Variants in AOPEP observed in about 807,000 individuals in gnomAD.
The protein encoded by AOPEP is aminopeptidase O (putative), also known as aminopeptidase O.
A neutral mutation model predicts 98.1 loss-of-function variants in AOPEP; 77 were observed. That is an observed-to-expected ratio of 0.78 (90% CI 0.65 to 0.95). The LOEUF is 0.95. Among genes scored for constraint, AOPEP ranks in the 40% least tolerant of loss-of-function variants. The probability of loss-of-function intolerance (pLI) is 0.00; values close to 1 mark genes in which losing one functional copy is unlikely to be tolerated. For synonymous variants in AOPEP, 346 were observed against 365.3 expected (o/e 0.95, Z 0.60); for missense variants, 1,024 against 1,024.7 (o/e 1.00, Z 0.01).
intron 13 of AOPEP, among the ~76,000 whole-genome samples, chr9:95,034,688 G>T (rs772283278): frequency 4.6e-5 from 7 of 152,186 alleles, no homozygotes; most frequent in Non-Finnish European, 7.3e-5. Flanking sequence ...ATACCCTTGT[G>T]TTTTTAATAG....
chr9:94,802,763 G>C (rs1848462109), intron 5 of AOPEP, among the ~76,000 whole-genome samples: 1 of 152,110 alleles, frequency 6.6e-6, no homozygotes, highest in African/African-American at 2.4e-5. Flanking sequence ...CTTCCTTTTA[G>C]ACTGTGGAAG....
intron 13 of AOPEP, among the ~76,000 whole-genome samples, chr9:95,017,465 G>C (rs528314628): frequency 6.6e-6 from 1 of 152,146 alleles, no homozygotes; most frequent in Non-Finnish European, 1.5e-5. Context: ...TAAAAATACA[G>C]TATTATATTC....
At chr9:94,907,522 C>T (rs4743973) in intron 5 of AOPEP, among the ~76,000 whole-genome samples, 144,706 of 152,042 alleles carry the variant, frequency 0.95, 68,874 homozygotes, top group Middle Eastern at 0.99. Flanking sequence ...TTGTTTTCCG[C>T]GGGGAAAGGT....
rs547345099 is a variant in AOPEP, at chr9:94,895,634, G to A, written c.1365-28352G>A. Among the ~76,000 whole-genome samples, 10 of 151,962 alleles carry A rather than the reference G, an allele frequency of 6.6e-5. No homozygotes were observed. The South Asian group carries it at 1.0e-3, about 16-fold the overall frequency. ...GACAGAGTCTCCCTCTGTCACCCAG[G>A]TTGGAGTGCAGTGGCATGATCTCAG... On this transcript the variant is annotated intron_variant, in intron 5 of 16. Coordinates refer to ENST00000375315, the MANE Select transcript of AOPEP (RefSeq NM_001193329.3).
intron 16 of AOPEP, among the ~76,000 whole-genome samples, chr9:95,083,249 C>T (rs183024878): frequency 7.2e-5 from 11 of 152,224 alleles, no homozygotes; most frequent in South Asian, 2.1e-4. Flanking sequence ...TCCAGGCACA[C>T]GCAGCACACA....
intron 5 of AOPEP, among the ~76,000 whole-genome samples, chr9:94,825,086 G>A (rs1854195922): frequency 1.3e-5 from 2 of 152,158 alleles, no homozygotes; most frequent in Admixed American, 6.5e-5. Flanking sequence ...AGAAGAGATG[G>A]CCAGGGGAGC....
At chr9:95,130,033 C>A in the AOPEP span, among the ~76,000 whole-genome samples, 1 of 152,138 alleles carries the variant, frequency 6.6e-6, no homozygotes, top group Non-Finnish European at 1.5e-5. Context: ...ATGGAATCAA[C>A]ACACAATAAC....
At chr9:94,735,178 T>C (rs1305839511) in intron 1 of AOPEP, among the ~76,000 whole-genome samples, 2 of 152,248 alleles carry the variant, frequency 1.3e-5, no homozygotes, top group Non-Finnish European at 2.9e-5. Context: ...ATATCCTGTG[T>C]AAAATGTAGA....
the AOPEP span, among the ~76,000 whole-genome samples, chr9:95,129,813 G>A: frequency 6.6e-6 from 1 of 152,254 alleles, no homozygotes; most frequent in Non-Finnish European, 1.5e-5. Flanking sequence ...TGCCCAGGAT[G>A]ACTAGGGAGC....
At chr9:95,010,589 CTG>C (rs2062425188) in intron 13 of AOPEP, among the ~76,000 whole-genome samples, 1 of 152,214 alleles carries the variant, frequency 6.6e-6, no homozygotes, top group South Asian at 2.1e-4. Flanking sequence ...TGCCATTGCT[CTG>C]TGAGAATTCA....
At chr9:95,137,918 G>A in the AOPEP span, among the ~76,000 whole-genome samples, 1 of 152,246 alleles carries the variant, frequency 6.6e-6, no homozygotes, top group Non-Finnish European at 1.5e-5. Context: ...GAGGAGTGGA[G>A]GTGAAGCCAG....
At chr9:94,898,218 T>C (rs570172682) in intron 5 of AOPEP, among the ~76,000 whole-genome samples, 2 of 152,204 alleles carry the variant, frequency 1.3e-5, no homozygotes, top group African/African-American at 2.4e-5. Context: ...TAAGCAAGAA[T>C]GTTTACTTCA....
At position 94,792,888 on chromosome 9, in the gene AOPEP, G is replaced by T; in HGVS notation, c.1088G>T (p.Arg363Ile). 1 of 1,612,524 alleles carries T rather than the reference G, an allele frequency of 6.2e-7. No individual in the cohort carries two copies. The change falls in exon 4 of 17, where the codon AGA (arginine) becomes ATA (isoleucine). Residue 363 changes from arginine to isoleucine, a missense_variant. Arg to Ile is a moderately conservative substitution (Grantham distance 97, BLOSUM62 -3). This residue lies in a region of AOPEP where 18 missense variants were observed against 39.1 expected (regional missense o/e 0.46). Coordinates refer to ENST00000375315, the MANE Select transcript of AOPEP (RefSeq NM_001193329.3). ...TWSSNDLATE[R>I]PFSPSEANFR... ...TCATCAAATGATTTGGCAACAGAGA[G>T]ACCCTTCTCACCTTCTGAGGCCAAC...
chr9:94,935,108 C>G (rs956378063), intron 7 of AOPEP: 4 of 152,328 alleles, frequency 2.6e-5, no homozygotes, highest in South Asian at 2.1e-4. Flanking sequence ...TGGTTTAACA[C>G]CATCCCCCCT....
intron 5 of AOPEP, among the ~76,000 whole-genome samples, chr9:94,870,776 A>G (rs1424211287): frequency 6.6e-6 from 1 of 152,220 alleles, no homozygotes; most frequent in African/African-American, 2.4e-5. Flanking sequence ...GTTAGTGGTT[A>G]TGTGGTTTCT....
At chr9:94,761,788 C>T (rs1410706137) in intron 2 of AOPEP, among the ~76,000 whole-genome samples, 7 of 152,096 alleles carry the variant, frequency 4.6e-5, no homozygotes, top group South Asian at 2.1e-4. Flanking sequence ...AGTACAAAAG[C>T]GTAGTGATTT....
intron 13 of AOPEP, among the ~76,000 whole-genome samples, chr9:95,035,564 G>C (rs1235687517): frequency 7.2e-6 from 1 of 138,096 alleles, no homozygotes; most frequent in Non-Finnish European, 1.5e-5. Context: ...TGTTGCCCAG[G>C]CTGGAGTGCA....
At chr9:94,816,180 G>A (rs1395734930) in intron 5 of AOPEP, among the ~76,000 whole-genome samples, 1 of 152,034 alleles carries the variant, frequency 6.6e-6, no homozygotes, top group Non-Finnish European at 1.5e-5. Context: ...TCTTTTTCTT[G>A]GATTAGCCTG....
At chr9:95,068,413 G>A (rs2068131225) in intron 14 of AOPEP, among the ~76,000 whole-genome samples, 1 of 151,966 alleles carries the variant, frequency 6.6e-6, no homozygotes, top group Non-Finnish European at 1.5e-5. Flanking sequence ...TTCACGTATT[G>A]ACTAATGGTG....
Sources: gnomAD v4.1 joint callset for allele counts (sites outside exome capture counted in the v4.1 genomes callset) on GRCh38, gnomAD v4.1.1 for gene constraint, gnomAD v4.1.1 regional missense constraint, MANE v1.5 for transcripts, NCBI Gene and HGNC (gene_info 2026-07-23, HGNC 2026-07-21) for gene names.